The following SLCO5A1 variants were observed in gnomAD, a reference collection of about 807,000 sequenced individuals.
SLCO5A1 encodes the protein solute carrier organic anion transporter family member 5A1.
Under a neutral mutation model 65.1 loss-of-function variants are expected in SLCO5A1, and 39 were observed. That is an observed-to-expected ratio of 0.60 (90% confidence interval 0.46 to 0.78). The LOEUF (loss-of-function observed/expected upper bound fraction) is 0.78. Ranked by LOEUF, SLCO5A1 falls within the 30% of genes least tolerant of loss-of-function variation. The pLI, the probability that SLCO5A1 is intolerant of heterozygous loss-of-function variation, is 0.00. For synonymous variants in SLCO5A1, 438 were observed against 415.7 expected, an observed-to-expected ratio of 1.05 and a Z score of -0.65; for missense variants, 1,029 against 1,069.4, an observed-to-expected ratio of 0.96 and a Z score of 0.53.
chr8:69,800,427 TG>T (rs113437475), intron 2 of SLCO5A1, among the ~76,000 whole-genome samples: 2,135 of 152,182 alleles, frequency 0.014, 39 homozygotes, highest in African/African-American at 0.049. Flanking sequence ...TATACCAGTT[TG>T]AACAGATAAC....
intron 2 of SLCO5A1, among the ~76,000 whole-genome samples, chr8:69,799,476 C>T (rs756821248): frequency 7.2e-5 from 11 of 151,992 alleles, no homozygotes; most frequent in Non-Finnish European, 1.0e-4. Context: ...CAGTAATGCA[C>T]GATATGCTAT....
chr8:69,772,863 T>G, intron 2 of SLCO5A1: 1 of 930,180 alleles, frequency 1.1e-6, no homozygotes, highest in Non-Finnish European at 1.3e-6. Context: ...GAGGGCTCAC[T>G]GCAAAGGTGA....
chr8:69,825,196 C>T (rs1329966692), intron 2 of SLCO5A1, among the ~76,000 whole-genome samples: 3 of 152,166 alleles, frequency 2.0e-5, no homozygotes, highest in African/African-American at 7.2e-5. Flanking sequence ...AAACTGGAAG[C>T]ATTCCCTTTG....
At position 69,833,051 on chromosome 8, in the gene SLCO5A1, C is replaced by G; in HGVS notation, c.-378G>C. ...CGCGGCCAGGAGCGAGTGCACCCTG[C>G]GCCGGGGGTGGGGGGGCACTTAGCG... On this transcript the variant is annotated 5_prime_UTR_variant, in exon 2 of 10. Coordinates refer to ENST00000260126, the MANE Select transcript of SLCO5A1 (RefSeq NM_030958.3). 1 of 257,470 alleles carries G rather than the reference C, an allele frequency of 3.9e-6. No individual in the cohort carries two copies. The highest frequency in any genetic ancestry group is 6.7e-5 in the South Asian group (1 of 14,974). The allele number at this position is 257,470 out of a possible 1,614,324, so 15.9% of individuals were successfully genotyped here.
At chr8:69,780,797 G>T (rs1438643435) in intron 2 of SLCO5A1, among the ~76,000 whole-genome samples, 1 of 151,824 alleles carries the variant, frequency 6.6e-6, no homozygotes, top group Non-Finnish European at 1.5e-5. Context: ...ATAAAATTAT[G>T]CTTGTAACCC....
intron 2 of SLCO5A1, among the ~76,000 whole-genome samples, chr8:69,767,618 A>G (rs769017497): frequency 6.6e-6 from 1 of 152,136 alleles, no homozygotes; most frequent in Non-Finnish European, 1.5e-5. Flanking sequence ...TAGGCCAGGC[A>G]TGGTGGCTCA....
chr8:69,801,436 C>A (rs771283130), intron 2 of SLCO5A1, among the ~76,000 whole-genome samples: 2 of 152,094 alleles, frequency 1.3e-5, no homozygotes, highest in Non-Finnish European at 2.9e-5. Context: ...ATAGGTTTCA[C>A]CTGTGATGAG....
At chr8:69,744,793 C>T (rs1169650890) in intron 4 of SLCO5A1, among the ~76,000 whole-genome samples, 1 of 152,156 alleles carries the variant, frequency 6.6e-6, no homozygotes, top group East Asian at 1.9e-4. Context: ...GACATAATTT[C>T]CTCCTGGGGA....
chr8:69,695,724 AT>A (rs1331820275), intron 6 of SLCO5A1, among the ~76,000 whole-genome samples: 3 of 152,120 alleles, frequency 2.0e-5, no homozygotes, highest in Admixed American at 6.5e-5. Flanking sequence ...ATGGTATGTA[AT>A]TTTTTTGCAA....
chr8:69,834,391 G>A lies in SLCO5A1; in HGVS notation c.-497+463C>T, dbSNP rs73287588. Among the ~76,000 whole-genome samples the A allele has an allele frequency of 9.5e-3, 1,445 of 152,364 alleles. 23 individuals carry two copies. The highest frequency in any genetic ancestry group is 0.033 in the African/African-American group (1,363 of 41,596). ...AGGAAGGGCAAGGGAGAAAGGCAGA[G>A]AGGCTGGGCGGCCAAGGGTGGCCGC... On this transcript the variant is annotated intron_variant, in intron 1 of 9. Transcript: ENST00000260126.
At position 69,831,355 on chromosome 8, in the gene SLCO5A1, G is replaced by A. The variant is rs111767973; in HGVS notation, c.907+412C>T. The stretch of plus-strand genomic sequence containing the variant: ...CCACGCCACCATCCCTGCTGCTCTG[G>A]ACAGAAATCAGAAGCAGCAGCAGAT... On this transcript the variant is annotated intron_variant, in intron 2 of 9. Coordinates refer to ENST00000260126, the MANE Select transcript of SLCO5A1 (RefSeq NM_030958.3). 6.0e-3 allele frequency among the ~76,000 whole-genome samples: 908 copies of A among 152,108 alleles called. 8 individuals carry two copies. The highest frequency in any genetic ancestry group is 0.01 in the Middle Eastern group (3 of 294).
intron 1 of SLCO5A1, chr8:69,833,552 G>A (rs1293089043): frequency 6.6e-6 from 1 of 152,258 alleles, no homozygotes; most frequent in Non-Finnish European, 1.5e-5. Context: ...ACTCAAAATA[G>A]AAAATGCCCA....
chr8:69,737,934 T>G (rs543408447), intron 5 of SLCO5A1, 106 bp downstream of exon 5: 1 of 1,189,520 alleles, frequency 8.4e-7, no homozygotes, highest in East Asian at 2.6e-5. Flanking sequence ...TAGCTGTTAA[T>G]GAACTAGCTT....
At chr8:69,767,209 G>A (rs1818096757) in intron 2 of SLCO5A1, among the ~76,000 whole-genome samples, 1 of 152,156 alleles carries the variant, frequency 6.6e-6, no homozygotes, top group African/African-American at 2.4e-5. Context: ...TTATCTTACA[G>A]GCAATGGAGT....
intron 2 of SLCO5A1, among the ~76,000 whole-genome samples, chr8:69,770,175 T>C (rs2130872567): frequency 6.6e-6 from 1 of 152,300 alleles, no homozygotes; most frequent in African/African-American, 2.4e-5. Context: ...CATCGGGTGG[T>C]TATCTTATAC....
rs1813245674 is a variant in SLCO5A1 at position 69,668,587 on chromosome 8, G to T, written c.*4282C>A. 2 of 152,208 alleles carry T rather than the reference G, an allele frequency of 1.3e-5. No individual in the cohort carries two copies. Among genetic ancestry groups the T allele is most frequent in the Admixed American group, 1.3e-4 (2 of 15,274 alleles). The allele number at this position is 152,208 out of a possible 1,614,324, so 9.4% of individuals were successfully genotyped here. A position where few individuals can be genotyped will look rare whatever the true frequency, so the allele number is the denominator to read the frequency against. On this transcript the variant is annotated 3_prime_UTR_variant, in exon 10 of 10. Coordinates refer to ENST00000260126, the MANE Select transcript of SLCO5A1 (RefSeq NM_030958.3). ...GCCTCCTGCTCCTGGGTGCACTAGGGAATTCCCATCAATGCTTCAGCTCCA... is the reference window on the plus strand; with the variant it reads ...GCCTCCTGCTCCTGGGTGCACTAGGTAATTCCCATCAATGCTTCAGCTCCA...
intron 6 of SLCO5A1, among the ~76,000 whole-genome samples, chr8:69,693,949 C>T (rs1814383147): frequency 6.6e-6 from 1 of 152,226 alleles, no homozygotes; most frequent in Non-Finnish European, 1.5e-5. Context: ...CTCAGACAGC[C>T]AGTATGTGGC....
chr8:69,682,229 G>A lies in SLCO5A1; in HGVS notation c.1737C>T (p.Asn579=). The change falls in exon 7 of 10, where the codon AAC becomes AAT. Residue 579 remains asparagine, a synonymous_variant. Transcript: ENST00000260126. ...VCGSDGITYF[N]PCLAGCVNSG... is the part of the protein sequence containing the mutation. ...TATTAACACAGCCAGCCAGACAAGG[G>A]TTAAAGTATGTAATTCCATCTGATC... is the stretch of plus-strand genomic sequence containing the variant. The A allele has an allele frequency of 6.2e-7, 1 of 1,613,088 alleles. No homozygotes were observed. The highest frequency in any genetic ancestry group is 8.5e-7 in the Non-Finnish European group (1 of 1,179,648).
chr8:69,794,314 AT>A (rs1181362066), intron 2 of SLCO5A1: 6 of 455,912 alleles, frequency 1.3e-5, no homozygotes. Context: ...GCAAAAGTAG[AT>A]GTCACAGGGC....
Sources: gnomAD v4.1 joint callset for allele counts (sites outside exome capture counted in the v4.1 genomes callset) on GRCh38, gnomAD v4.1.1 for gene constraint, MANE v1.5 for transcripts, NCBI Gene and HGNC (gene_info 2026-07-23, HGNC 2026-07-21) for gene names.